Variants in COL11A1 observed in about 807,000 individuals in gnomAD.
COL11A1 encodes the protein collagen alpha-1(XI) chain.
A neutral mutation model predicts 265.2 loss-of-function variants in COL11A1; 74 were observed. The ratio of observed to expected loss-of-function variants is 0.28; its 90% CI spans 0.23 to 0.34. The LOEUF (loss-of-function observed/expected upper bound fraction) is 0.34. COL11A1 is among the 10% of genes least tolerant of loss of function. COL11A1 has a pLI of 1.00. For missense variants in COL11A1, 2,165 were observed against 2,263.6 expected, an observed-to-expected ratio of 0.96 and a Z score of 0.88; for synonymous variants, 816 against 727.6, an observed-to-expected ratio of 1.12 and a Z score of -1.96.
Position 103,022,960 on chromosome 1 carries a change from G to A in COL11A1, c.1027C>T (p.Leu343=), listed in dbSNP as rs759852628. Residue 343 remains leucine, a synonymous_variant, in exon 8 of 67, where the codon CTA becomes TTA. Transcript: ENST00000370096. ...TGGGAATCATAATCCTCTCCCGTTAGATATTCTTCAGTAAATATTTCTTCA... is the reference window on the plus strand; with the variant it reads ...TGGGAATCATAATCCTCTCCCGTTAAATATTCTTCAGTAAATATTTCTTCA... ...PVEEIFTEEY[L]TGEDYDSQRK... 1.2e-5 allele frequency: 19 copies of A among 1,613,048 alleles called. No individual in the cohort carries two copies. The highest frequency in any genetic ancestry group is 1.5e-5 in the Non-Finnish European group (18 of 1,179,446).
chr1:103,086,136 T>G (rs746025398), intron 1 of COL11A1, among the ~76,000 whole-genome samples: 34 of 152,188 alleles, frequency 2.2e-4, no homozygotes, highest in Non-Finnish European at 3.8e-4. Flanking sequence ...TATTTTAAAC[T>G]AAACTCATTA....
chr1:102,915,845 G>C lies in COL11A1; in HGVS notation c.3763-161C>G, dbSNP rs538581038. Among the ~76,000 whole-genome samples the C allele has an allele frequency of 2.6e-5, 4 of 152,184 alleles. No individual in the cohort carries two copies. The South Asian group carries it at 8.3e-4, about 32-fold the overall frequency. ...AACAAAAATAAATTTTTCTATCAGT[G>C]ACTCCAGTGCTTTTATTTCTCAGGT... On this transcript the variant is annotated intron_variant, in intron 49 of 66. Transcript: ENST00000370096.
Position 102,927,969 on chromosome 1 carries a change from G to C in COL11A1, c.3601-4580C>G, listed in dbSNP as rs149306338. On this transcript the variant is annotated intron_variant, in intron 46 of 66. Coordinates refer to ENST00000370096, the MANE Select transcript of COL11A1 (RefSeq NM_001854.4). ...AAAGAGTCATAGGTCGAGTTTCTCC[G>C]GGGAAAGGAAGCGAAAGTGTCTCCA... Among the ~76,000 whole-genome samples, 5 of 151,998 alleles carry C rather than the reference G, an allele frequency of 3.3e-5. No homozygotes were observed. In the East Asian group the frequency reaches 5.8e-4, roughly 18 times the overall value.
intron 20 of COL11A1, 119 bp downstream of exon 20, chr1:103,004,325 T>C (rs754672359): frequency 1.4e-6 from 1 of 734,582 alleles, no homozygotes; most frequent in Non-Finnish European, 2.3e-6. Context: ...AATTATCTGG[T>C]TAGCTTAGCT....
chr1:102,915,639 C>G lies in COL11A1; in HGVS notation c.3808G>C (p.Gly1270Arg). The change falls in exon 50 of 67, where the codon GGT becomes CGT. Residue 1270 changes from glycine (G) to arginine (R), a missense_variant. Coordinates refer to ENST00000370096, the MANE Select transcript of COL11A1 (RefSeq NM_001854.4). ...AATAACACAGTACTTACGCCTACACCTGCTTCCCCAGGAGGCCCTGGGTTC... is the reference window on the plus strand; with the variant it reads ...AATAACACAGTACTTACGCCTACACGTGCTTCCCCAGGAGGCCCTGGGTTC... ...AGNPGPPGEA[G>R]VGGPKGERGE... 1 of 1,613,312 alleles carries G rather than the reference C, an allele frequency of 6.2e-7. No homozygotes were observed. Among genetic ancestry groups the G allele is most frequent in the Non-Finnish European group, 8.5e-7 (1 of 1,179,308 alleles).
At position 103,022,102 on chromosome 1, in the gene COL11A1, C is replaced by G. The variant is rs554953163; in HGVS notation, c.1246-333G>C. 3.1e-4 allele frequency among the ~76,000 whole-genome samples: 47 copies of G among 151,740 alleles called. No individual in the cohort carries two copies. The East Asian group carries it at 7.2e-3, about 23-fold the overall frequency. ...AATGCCTGAGCTCAGGTAATCCGCC[C>G]GCCTCTGCCTCCCAAAGTGCTAGGA... On this transcript the variant is annotated intron_variant, in intron 8 of 66. Coordinates refer to ENST00000370096, the MANE Select transcript of COL11A1 (RefSeq NM_001854.4).
In COL11A1 at chr1:103,028,069, GC is replaced by G. The variant is rs564397267; in HGVS notation, c.781-1738del. Among the ~76,000 whole-genome samples the G allele has an allele frequency of 2.6e-3, 402 of 152,050 alleles. 5 individuals are homozygous for G. The highest frequency in any genetic ancestry group is 9.2e-3 in the African/African-American group (383 of 41,496). On this transcript the variant is annotated intron_variant, in intron 5 of 66. Coordinates refer to ENST00000370096, the MANE Select transcript of COL11A1 (RefSeq NM_001854.4). ...TTTTGAGATGGAGTCGCGCTCTGTC[GC>G]CCAGGCTGGAGTGCAAGTGGCATGA...
chr1:102,933,390 C>T (rs1181084169), intron 46 of COL11A1, among the ~76,000 whole-genome samples: 1 of 147,870 alleles, frequency 6.8e-6, no homozygotes, highest in Admixed American at 6.8e-5. Context: ...GGGTGCCTCC[C>T]AGTTAGGCTG....
chr1:102,965,482 C>T lies in COL11A1; in HGVS notation c.2916+5G>A, dbSNP rs1661320316. The T allele has an allele frequency of 6.2e-7, 1 of 1,613,178 alleles. No homozygotes were observed. Among genetic ancestry groups the T allele is most frequent in the African/African-American group, 1.3e-5 (1 of 74,998 alleles). The stretch of plus-strand genomic sequence containing the variant: ...TTGCTTGGGAAATAAAGCAAAGGAA[C>T]ATACCTGTGGTCCAACCACTCCCCC... On this transcript the variant is annotated splice_donor_5th_base_variant and intron_variant, in intron 38 of 66. Transcript: ENST00000370096.
At chr1:102,918,124 T>G (rs1282459895) in intron 49 of COL11A1, among the ~76,000 whole-genome samples, 1 of 151,082 alleles carries the variant, frequency 6.6e-6, no homozygotes, top group East Asian at 1.9e-4. Flanking sequence ...TGAAGAATAA[T>G]AATTAATATG....
chr1:103,006,344 A>G (rs1391282433), intron 15 of COL11A1, 29 bp from the exon 16 acceptor site: 1 of 1,581,716 alleles, frequency 6.3e-7, no homozygotes. Context: ...ATTAAACCAT[A>G]TTATAGAATT....
intron 57 of COL11A1, among the ~76,000 whole-genome samples, chr1:102,893,504 T>C (rs971396063): frequency 9.9e-5 from 15 of 152,128 alleles, no homozygotes; most frequent in African/African-American, 3.6e-4. Context: ...ACTCTGCATA[T>C]AAAAATGTTA....
Position 103,031,257 on chromosome 1 carries a change from A to G in COL11A1, c.652-13T>C. On this transcript the variant is annotated splice_polypyrimidine_tract_variant and intron_variant, in intron 4 of 66. Coordinates refer to ENST00000370096, the MANE Select transcript of COL11A1 (RefSeq NM_001854.4). Reference sequence around the variant, plus strand: ...GCTGAATGTCCCCCTGGGAAAAAAAAAAAAACAAAAACAAACAGACACAGA... The same window carrying G: ...GCTGAATGTCCCCCTGGGAAAAAAAGAAAAACAAAAACAAACAGACACAGA... 1 of 1,601,018 alleles carries G rather than the reference A, an allele frequency of 6.2e-7. No homozygotes were observed. Among genetic ancestry groups the G allele is most frequent in the Non-Finnish European group, 8.5e-7 (1 of 1,178,030 alleles).
chr1:103,018,931 A>AGGTTG, intron 9 of COL11A1, 72 bp from the exon 10 acceptor site: 1 of 1,145,990 alleles, frequency 8.7e-7, no homozygotes, highest in Non-Finnish European at 1.3e-6. Context: ...TGAATATAAG[A>AGGTTG]GAACACTATA....
Position 103,012,449 on chromosome 1 carries a change from A to G in COL11A1, c.1593T>C (p.Pro531=). Residue 531 remains proline, a synonymous_variant, in exon 14 of 67, where the codon CCT becomes CCC. Coordinates refer to ENST00000370096, the MANE Select transcript of COL11A1 (RefSeq NM_001854.4). ...GTCTTCCAGTTAGACCCATTGGGCC[A>G]GGTGGGCCTCTCAGAGCAATCTAGA... The part of the protein sequence containing the change: ...QQARIALRGP[P]GPMGLTGRPG... 1 of 1,613,418 alleles carries G rather than the reference A, an allele frequency of 6.2e-7. No individual in the cohort carries two copies. The highest frequency in any genetic ancestry group is 1.1e-5 in the South Asian group (1 of 91,024).
chr1:102,998,001 C>A (rs1253972595), intron 25 of COL11A1, among the ~76,000 whole-genome samples: 1 of 151,466 alleles, frequency 6.6e-6, no homozygotes, highest in Non-Finnish European at 1.5e-5. Context: ...TTAGATCATG[C>A]AAGAATATGT....
At chr1:103,105,483 A>T (rs532877057) in intron 1 of COL11A1, among the ~76,000 whole-genome samples, 31 of 152,226 alleles carry the variant, frequency 2.0e-4, no homozygotes, top group Non-Finnish European at 3.2e-4. Flanking sequence ...TTCACTTCCA[A>T]GAAATTTCTC....
intron 57 of COL11A1, among the ~76,000 whole-genome samples, chr1:102,893,034 T>C (rs961269057): frequency 1.3e-5 from 2 of 152,284 alleles, no homozygotes; most frequent in Non-Finnish European, 2.9e-5. Context: ...CACTTTCAAG[T>C]ATATAGTTAT....
At chr1:103,077,957 G>T (rs1052604743) in intron 3 of COL11A1, among the ~76,000 whole-genome samples, 9 of 152,026 alleles carry the variant, frequency 5.9e-5, no homozygotes, top group Non-Finnish European at 2.9e-5. Context: ...AACTAAATGA[G>T]TTAACAATGT....
Sources: gnomAD v4.1 joint callset for allele counts (sites outside exome capture counted in the v4.1 genomes callset) on GRCh38, gnomAD v4.1.1 for gene constraint, MANE v1.5 for transcripts, NCBI Gene and HGNC (gene_info 2026-07-23, HGNC 2026-07-21) for gene names.